ABCA12: variants seen among roughly 807,000 people sequenced by gnomAD.
ABCA12 encodes ATP binding cassette subfamily A member 12, also known as glucosylceramide transporter ABCA12.
ABCA12 carries 156 observed loss-of-function variants against 293.5 expected under a neutral mutation model. The ratio of observed to expected loss-of-function variants is 0.53; its 90% CI spans 0.47 to 0.61. The LOEUF is 0.61. Ranked by LOEUF, ABCA12 falls within the 20% of genes least tolerant of loss-of-function variation. The probability of loss-of-function intolerance (pLI) is 0.00; values close to 1 mark genes in which losing one functional copy is unlikely to be tolerated. For synonymous variants in ABCA12, 1,063 were observed against 1,108.0 expected, an observed-to-expected ratio of 0.96 and a Z score of 0.81; for missense variants, 2,797 against 3,090.2, an observed-to-expected ratio of 0.91 and a Z score of 2.25.
chr2:215,102,871 G>T (rs758667929), intron 2 of ABCA12, among the ~76,000 whole-genome samples: 64 of 152,274 alleles, frequency 4.2e-4, no homozygotes, highest in South Asian at 2.1e-3. Flanking sequence ...AAAAAGAAAA[G>T]TTGGTAACCC....
intron 44 of ABCA12, 25 bp from the exon 45 acceptor site, chr2:214,951,108 C>T (rs750542415): frequency 1.1e-5 from 17 of 1,595,500 alleles, no homozygotes; most frequent in African/African-American, 4.0e-5. Context: ...AGTGATTTTA[C>T]GTCAATGATT....
intron 19 of ABCA12, among the ~76,000 whole-genome samples, chr2:215,005,821 T>C (rs1439585701): frequency 6.6e-6 from 1 of 152,242 alleles, no homozygotes; most frequent in Non-Finnish European, 1.5e-5. Flanking sequence ...ATTGCGTTTG[T>C]ATCACATAAA....
intron 7 of ABCA12, among the ~76,000 whole-genome samples, chr2:215,045,494 C>T (rs1701183385): frequency 6.6e-6 from 1 of 152,154 alleles, no homozygotes; most frequent in Admixed American, 6.6e-5. Context: ...ATGCTAGTTG[C>T]ATAGAGCTCA....
Position 214,978,344 on chromosome 2 carries a change from C to T in ABCA12, c.5100G>A (p.Val1700=). ...CTCTGTCTGTGAAATTGCTGCTGCT[C>T]ACAGATAAATCGTCAGGAGTTGAGA... The part of the protein sequence containing the change: ...NGISTPDDLS[V]SSSNFTDRDD... Residue 1700 remains valine, a synonymous_variant, in exon 33 of 53, where the codon GTG becomes GTA. Coordinates refer to ENST00000272895, the MANE Select transcript of ABCA12 (RefSeq NM_173076.3). 1.9e-6 allele frequency: 3 copies of T among 1,614,066 alleles called. No individual in the cohort carries two copies. Among genetic ancestry groups the T allele is most frequent in the East Asian group, 2.2e-5 (1 of 44,848 alleles).
chr2:215,136,833 C>A (rs574136888), intron 1 of ABCA12, among the ~76,000 whole-genome samples: 1 of 152,214 alleles, frequency 6.6e-6, no homozygotes, highest in East Asian at 1.9e-4. Context: ...CATGTCACGT[C>A]TAACTCATCA....
At chr2:215,078,438 C>G (rs1701875195) in intron 2 of ABCA12, among the ~76,000 whole-genome samples, 1 of 152,200 alleles carries the variant, frequency 6.6e-6, no homozygotes, top group Admixed American at 6.5e-5. Context: ...TGGATGCTAT[C>G]ATAGAATTCT....
chr2:215,081,495 A>AAAAAAAAAAAAAAAAAAAAG (rs1553541627), intron 2 of ABCA12, among the ~76,000 whole-genome samples: 10 of 127,500 alleles, frequency 7.8e-5, no homozygotes, highest in Non-Finnish European at 9.7e-5. Flanking sequence ...AAAAAAAAGA[A>AAAAAAAAAAAAAAAAAAAAG]AAAGAAAAAA....
At chr2:215,025,197 T>C (rs866546245) in intron 11 of ABCA12, 2 of 152,438 alleles carry the variant, frequency 1.3e-5, no homozygotes, top group African/African-American at 4.8e-5. Context: ...TGTTAGCCAT[T>C]CCCTTATAAA....
At chr2:215,054,494 A>T in intron 4 of ABCA12, 79 bp downstream of exon 4, 1 of 1,242,684 alleles carries the variant, frequency 8.0e-7, no homozygotes, top group Non-Finnish European at 1.2e-6. Flanking sequence ...TGAAAAGTTT[A>T]AAGTATAAAC....
intron 23 of ABCA12, among the ~76,000 whole-genome samples, chr2:214,995,764 A>G (rs565985325): frequency 9.9e-5 from 15 of 152,166 alleles, no homozygotes; most frequent in African/African-American, 2.7e-4. Context: ...TTTACATGCC[A>G]CCAAGAAAGA....
intron 2 of ABCA12, among the ~76,000 whole-genome samples, chr2:215,086,919 TTTATTATTATTATTA>T (rs139025147): frequency 8.0e-5 from 12 of 150,914 alleles, no homozygotes; most frequent in South Asian, 4.2e-4. Flanking sequence ...TAACTACCAG[TTTATTATTATTATTA>T]TTATTATTAT....
At chr2:214,952,599 CT>C (rs1395334232) in intron 44 of ABCA12, among the ~76,000 whole-genome samples, 1 of 152,160 alleles carries the variant, frequency 6.6e-6, no homozygotes, top group Non-Finnish European at 1.5e-5. Context: ...GGAGCTAAAA[CT>C]GCTCCAGGGT....
chr2:214,986,410 G>T (rs1699787448), intron 28 of ABCA12, 132 bp downstream of exon 28: 4 of 980,424 alleles, frequency 4.1e-6, no homozygotes, highest in Non-Finnish European at 4.7e-6. Context: ...TAGCATACAA[G>T]TTGAACCATC....
chr2:214,949,172 GAT>G (rs1365193519), intron 45 of ABCA12, 23 bp from the exon 46 acceptor site: 3 of 1,555,606 alleles, frequency 1.9e-6, no homozygotes, highest in Non-Finnish European at 2.7e-6. Flanking sequence ...AGAAAAAGAA[GAT>G]ATAAGCCTTA....
intron 23 of ABCA12, among the ~76,000 whole-genome samples, chr2:214,991,875 G>C (rs1160279846): frequency 1.3e-5 from 2 of 152,064 alleles, no homozygotes; most frequent in Non-Finnish European, 2.9e-5. Context: ...ACACACCAGG[G>C]CCTGTCGGGG....
At chr2:215,120,879 C>CA (rs543451472) in intron 1 of ABCA12, among the ~76,000 whole-genome samples, 27 of 152,304 alleles carry the variant, frequency 1.8e-4, no homozygotes, top group Middle Eastern at 3.4e-3. Flanking sequence ...TGAAGAGAGA[C>CA]AAAATCCCTT....
Position 215,060,601 on chromosome 2 carries a change from G to A in ABCA12, c.317+3465C>T, listed in dbSNP as rs367635616. Among the ~76,000 whole-genome samples, 224 of 151,918 alleles carry A rather than the reference G, an allele frequency of 1.5e-3. No homozygotes were observed. In the Middle Eastern group the frequency reaches 0.027, roughly 18 times the overall value. Reference sequence around the variant, plus strand: ...AATTCTTATTGCCCTTTCTTTTTACGCTGATTTTAGCTAAAATGGTTACTA... The same window carrying A: ...AATTCTTATTGCCCTTTCTTTTTACACTGATTTTAGCTAAAATGGTTACTA... On this transcript the variant is annotated intron_variant, in intron 3 of 52. Transcript: ENST00000272895.
chr2:215,010,740 C>T (rs528861978), intron 17 of ABCA12, among the ~76,000 whole-genome samples: 1 of 152,092 alleles, frequency 6.6e-6, no homozygotes, highest in South Asian at 2.1e-4. Context: ...AGCCACATTT[C>T]AGAATGGCTA....
At chr2:215,095,281 C>A (rs1355600790) in intron 2 of ABCA12, among the ~76,000 whole-genome samples, 1 of 152,048 alleles carries the variant, frequency 6.6e-6, no homozygotes. Context: ...GTAATTACAC[C>A]AAACCCCCTT....
Sources: allele counts gnomAD v4.1 joint callset (sites outside exome capture counted in the v4.1 genomes callset), GRCh38; gene constraint gnomAD v4.1.1; transcripts MANE v1.5; gene names NCBI Gene and HGNC (gene_info 2026-07-23, HGNC 2026-07-21).